Variants in HHLA1 observed in about 807,000 individuals in gnomAD.
HHLA1 encodes HERV-H LTR-associating protein 1.
Under a neutral mutation model 69.9 loss-of-function variants are expected in HHLA1, and 72 were observed. The ratio of observed to expected loss-of-function variants is 1.03; its 90% CI spans 0.85 to 1.25. The LOEUF is 1.25. Ranked by LOEUF, HHLA1 falls within the 50% of genes most tolerant of loss-of-function variation. HHLA1 has a pLI of 0.00. For missense variants in HHLA1, 685 were observed against 642.2 expected, an observed-to-expected ratio of 1.07 and a Z score of -0.72; for synonymous variants, 252 against 233.2, an observed-to-expected ratio of 1.08 and a Z score of -0.73.
intron 4 of HHLA1, among the ~76,000 whole-genome samples, chr8:132,099,563 T>C (rs749425138): frequency 6.6e-6 from 1 of 152,120 alleles, no homozygotes; most frequent in African/African-American, 2.4e-5. Flanking sequence ...CCTTAATGAT[T>C]TGGAAACTGG....
intron 8 of HHLA1, among the ~76,000 whole-genome samples, chr8:132,088,454 GCA>G (rs1823896841): frequency 1.3e-5 from 2 of 152,184 alleles, no homozygotes; most frequent in African/African-American, 4.8e-5. Flanking sequence ...GGTAGGATGT[GCA>G]CACTTTATTA....
At chr8:132,110,661 T>C (rs1259816945) in intron 1 of HHLA1, among the ~76,000 whole-genome samples, 1 of 152,172 alleles carries the variant, frequency 6.6e-6, no homozygotes, top group Non-Finnish European at 1.5e-5. Context: ...GGAAGTCCAG[T>C]CTGTTTGCTG....
At chr8:132,078,099 C>A (rs1360610062) in intron 11 of HHLA1, 128 bp from the exon 12 acceptor site, 4 of 1,012,338 alleles carry the variant, frequency 4.0e-6, no homozygotes, top group Non-Finnish European at 5.7e-6. Flanking sequence ...TATAAGTAAT[C>A]CAGGGGCTTA....
intron 11 of HHLA1, among the ~76,000 whole-genome samples, chr8:132,078,981 C>A (rs1274411663): frequency 6.6e-6 from 1 of 152,168 alleles, no homozygotes; most frequent in Non-Finnish European, 1.5e-5. Context: ...AGGTTTGTTA[C>A]ATATGTATAC....
intron 3 of HHLA1, among the ~76,000 whole-genome samples, chr8:132,101,657 T>C (rs1824113453): frequency 6.6e-6 from 1 of 151,360 alleles, no homozygotes; most frequent in African/African-American, 2.4e-5. Context: ...CACTGCAACC[T>C]CTGTCTCCTG....
At chr8:132,101,724 C>A (rs1003644108) in intron 3 of HHLA1, among the ~76,000 whole-genome samples, 4 of 152,132 alleles carry the variant, frequency 2.6e-5, no homozygotes, top group Non-Finnish European at 4.4e-5. Context: ...CAGGTGTGCA[C>A]CACCACGCCT....
chr8:132,099,030 C>T (rs1403841315), intron 4 of HHLA1, 68 bp from the exon 5 acceptor site: 1 of 1,190,324 alleles, frequency 8.4e-7, no homozygotes, highest in Non-Finnish European at 1.2e-6. Flanking sequence ...TTCTCATTTC[C>T]AAACTTCAGG....
intron 16 of HHLA1, among the ~76,000 whole-genome samples, chr8:132,064,713 G>A (rs1174806358): frequency 2.0e-5 from 3 of 152,176 alleles, no homozygotes; most frequent in Admixed American, 6.5e-5. Flanking sequence ...GAGCCAGAGA[G>A]CTTGATTTTA....
In HHLA1 at chr8:132,077,133, G is replaced by C. The variant is rs77208332; in HGVS notation, c.1172-590C>G. On this transcript the variant is annotated intron_variant, in intron 12 of 16. Coordinates refer to ENST00000414222, the MANE Select transcript of HHLA1 (RefSeq NM_001145095.3). The stretch of plus-strand genomic sequence containing the variant: ...AGAGAAGCTCAAGCAGGCAAGTTCC[G>C]TCATATGGATAAGTGGAAGGAAAGA... 4.8e-3 allele frequency among the ~76,000 whole-genome samples: 727 copies of C among 152,212 alleles called. 4 individuals are homozygous for C. Among genetic ancestry groups the C allele is most frequent in the East Asian group, 0.027 (141 of 5,154 alleles).
intron 12 of HHLA1, among the ~76,000 whole-genome samples, chr8:132,077,005 T>C (rs1035027681): frequency 2.6e-5 from 4 of 152,188 alleles, no homozygotes; most frequent in African/African-American, 2.4e-5. Context: ...ATCATGTTCA[T>C]GAAGCCTTAG....
At chr8:132,064,318 G>A (rs117596066) in intron 16 of HHLA1, among the ~76,000 whole-genome samples, 7 of 152,274 alleles carry the variant, frequency 4.6e-5, no homozygotes, top group East Asian at 3.9e-4. Flanking sequence ...TGTATCTAAC[G>A]CATCTCTAGA....
intron 10 of HHLA1, among the ~76,000 whole-genome samples, chr8:132,082,641 G>A (rs1437470355): frequency 6.6e-6 from 1 of 152,110 alleles, no homozygotes; most frequent in Non-Finnish European, 1.5e-5. Context: ...GAGCCTAATG[G>A]GTGTCAGAGT....
At chr8:132,098,996 G>A in intron 4 of HHLA1, 34 bp from the exon 5 acceptor site, 1 of 1,406,792 alleles carries the variant, frequency 7.1e-7, no homozygotes. Context: ...TCACTGGCAG[G>A]CTTTTCTCGG....
At chr8:132,104,218 G>A (rs570576380) in intron 2 of HHLA1, 51 bp from the exon 3 acceptor site, 72 of 1,327,278 alleles carry the variant, frequency 5.4e-5, no homozygotes, top group Middle Eastern at 1.9e-4. Flanking sequence ...ACATAATACC[G>A]GAGATAATTT....
At position 132,076,470 on chromosome 8, in the gene HHLA1, C is replaced by A; in HGVS notation, c.1240+5G>T. On this transcript the variant is annotated splice_donor_5th_base_variant and intron_variant, in intron 13 of 16. Coordinates refer to ENST00000414222, the MANE Select transcript of HHLA1 (RefSeq NM_001145095.3). ...AAACCCCCACTTCCGTACTGAGTTT[C>A]TCACCTGTTTGTGGATATCTGGGGG... The A allele has an allele frequency of 9.4e-7, 1 of 1,061,728 alleles. No individual in the cohort carries two copies. The highest frequency in any genetic ancestry group is 1.3e-6 in the Non-Finnish European group (1 of 792,620). The allele number at this position is 1,061,728 out of a possible 1,614,324, so 65.8% of individuals were successfully genotyped here.
chr8:132,079,361 C>A (rs1253873570), intron 11 of HHLA1, among the ~76,000 whole-genome samples: 1 of 152,228 alleles, frequency 6.6e-6, no homozygotes, highest in Non-Finnish European at 1.5e-5. Flanking sequence ...AATATAAATA[C>A]TTTTGCCACA....
At chr8:132,070,249 A>C (rs1823510679) in intron 15 of HHLA1, 2 of 688,288 alleles carry the variant, frequency 2.9e-6, no homozygotes, top group Admixed American at 4.1e-5. Flanking sequence ...AGAAGAAATA[A>C]CAGTATGTCA....
chr8:132,069,419 G>A (rs1397297670), intron 15 of HHLA1, among the ~76,000 whole-genome samples: 1 of 152,064 alleles, frequency 6.6e-6, no homozygotes. Flanking sequence ...AACATACTGA[G>A]TAATGCCACC....
At position 132,071,533 on chromosome 8, in the gene HHLA1, T is replaced by C. The variant is rs779890867; in HGVS notation, c.1316-40A>G. 8 of 1,540,006 alleles carry C rather than the reference T, an allele frequency of 5.2e-6. No homozygotes were observed. The African/African-American group carries it at 1.1e-4, about 21-fold the overall frequency. Reference sequence around the variant, plus strand: ...CCCAGACCAATTAAATCAGTAAGAGTTTAGTAAGCATCTTCTCTTCGTTAA... The same window carrying C: ...CCCAGACCAATTAAATCAGTAAGAGCTTAGTAAGCATCTTCTCTTCGTTAA... On this transcript the variant is annotated intron_variant, in intron 14 of 16. Coordinates refer to ENST00000414222, the MANE Select transcript of HHLA1 (RefSeq NM_001145095.3).
Sources: gnomAD v4.1 joint callset for allele counts (sites outside exome capture counted in the v4.1 genomes callset) on GRCh38, gnomAD v4.1.1 for gene constraint, MANE v1.5 for transcripts, NCBI Gene and HGNC (gene_info 2026-07-23, HGNC 2026-07-21) for gene names.